TRDMT1: variants seen among roughly 807,000 people sequenced by gnomAD.
The protein encoded by TRDMT1 is tRNA aspartic acid methyltransferase 1.
TRDMT1 carries 49 observed loss-of-function variants against 51.2 expected under a neutral mutation model. That is an observed-to-expected ratio of 0.96 (90% CI 0.76 to 1.21). The LOEUF (loss-of-function observed/expected upper bound fraction) is 1.21. TRDMT1 is among the 50% of genes most tolerant of loss of function. TRDMT1 has a pLI of 0.00. For synonymous variants in TRDMT1, 187 were observed against 164.6 expected (o/e 1.14, Z -1.04); for missense variants, 534 against 462.3 (o/e 1.16, Z -1.42).
Position 17,159,153 on chromosome 10 carries a change from G to C in TRDMT1, c.536C>G (p.Pro179Arg), listed in dbSNP as rs200247836. 3.4e-5 allele frequency: 54 copies of C among 1,587,964 alleles called. No individual in the cohort carries two copies. The African/African-American group carries it at 6.9e-4, about 20-fold the overall frequency. Residue 179 changes from proline (P) to arginine (R), a missense_variant, in exon 7 of 11, where the codon CCT becomes CGT. Pro to Arg is a moderately radical substitution (Grantham distance 103). Coordinates refer to ENST00000377799, the MANE Select transcript of TRDMT1 (RefSeq NM_004412.7). ...AAATTCCAATAATAATACCTGACCA[G>C]GGGCTTGAAAGGGTAATGGCTCTGA... ...LQSEPLPFQA[P>R]GQVLMEFPKI...
rs928881592 is a variant in TRDMT1 at position 17,180,317 on chromosome 10, G to A, written c.65-5657C>T. Among the ~76,000 whole-genome samples, 4 of 152,206 alleles carry A rather than the reference G, an allele frequency of 2.6e-5. No individual in the cohort carries two copies. The South Asian group carries it at 8.3e-4, about 32-fold the overall frequency. ...GCACTTTGGGAGGCTGAGGCGGGTGGATCACCTGAGGTCAGGAGTTTGAGA... is the reference window on the plus strand; with the variant it reads ...GCACTTTGGGAGGCTGAGGCGGGTGAATCACCTGAGGTCAGGAGTTTGAGA... On this transcript the variant is annotated intron_variant, in intron 1 of 10. Transcript: ENST00000377799.
At chr10:17,181,571 C>G (rs755863493) in intron 1 of TRDMT1, among the ~76,000 whole-genome samples, 1 of 152,178 alleles carries the variant, frequency 6.6e-6, no homozygotes, top group Non-Finnish European at 1.5e-5. Context: ...CCTCCTTGTT[C>G]TCCTGTTTCT....
At chr10:17,150,279 TGG>T in intron 10 of TRDMT1, 1 of 549,646 alleles carries the variant, frequency 1.8e-6, no homozygotes, top group Non-Finnish European at 2.3e-6. Context: ...CTATTCCTTT[TGG>T]AGAAATGTTG....
At position 17,143,993 on chromosome 10, in the gene TRDMT1, AC is replaced by A; in HGVS notation, c.*5046del. ...CCCAGCATGAAGATTCTAGAATAGGACTTAGGAAAACAGCAGATTTAGAGTC... is the reference window on the plus strand; with the variant it reads ...CCCAGCATGAAGATTCTAGAATAGGATTAGGAAAACAGCAGATTTAGAGTC... On this transcript the variant is annotated 3_prime_UTR_variant, in exon 11 of 11. Transcript: ENST00000377799. 1.0e-6 allele frequency: 1 copy of A among 985,438 alleles called. No individual in the cohort carries two copies. Among genetic ancestry groups the A allele is most frequent in the South Asian group, 4.7e-5 (1 of 21,282 alleles). The allele number at this position is 985,438 out of a possible 1,614,324, so 61.0% of individuals were successfully genotyped here. A position where few individuals can be genotyped will look rare whatever the true frequency, so the allele number is the denominator to read the frequency against.
rs1278176016 is a variant in TRDMT1 at position 17,139,426 on chromosome 10, A to G, written c.*9614T>C. Among the ~76,000 whole-genome samples, 1 of 152,112 alleles carries G rather than the reference A, an allele frequency of 6.6e-6. No homozygotes were observed. Among genetic ancestry groups the G allele is most frequent in the African/African-American group, 2.4e-5 (1 of 41,408 alleles). ...AAGGGGAAAGTACATCTTTGTGATGATATTTTGTGTTCTATTAGGGGAGGA... is the reference window on the plus strand; with the variant it reads ...AAGGGGAAAGTACATCTTTGTGATGGTATTTTGTGTTCTATTAGGGGAGGA... On this transcript the variant is annotated 3_prime_UTR_variant, in exon 11 of 11. Transcript: ENST00000377799.
Position 17,146,571 on chromosome 10 carries a change from A to G in TRDMT1, c.*2469T>C. The stretch of plus-strand genomic sequence containing the variant: ...CTAAAAATATGAAGCAGGGTAATAA[A>G]TACCTTACAATTATCTGGCAAGCCG... On this transcript the variant is annotated 3_prime_UTR_variant, in exon 11 of 11. Transcript: ENST00000377799. 1.0e-6 allele frequency: 1 copy of G among 985,256 alleles called. No homozygotes were observed. The highest frequency in any genetic ancestry group is 1.2e-6 in the Non-Finnish European group (1 of 829,748). 61.0% of individuals were successfully genotyped at this position (985,256 alleles called of 1,614,324 possible).
At chr10:17,153,104 A>T in intron 10 of TRDMT1, 1 of 254,398 alleles carries the variant, frequency 3.9e-6, no homozygotes, top group Admixed American at 4.9e-5. Context: ...TAATCCCTCA[A>T]CTGCCTTTTA....
chr10:17,170,652 G>C (rs1841838156), intron 2 of TRDMT1, among the ~76,000 whole-genome samples: 1 of 152,142 alleles, frequency 6.6e-6, no homozygotes, highest in African/African-American at 2.4e-5. Context: ...TAGTGAAACA[G>C]AGCCAATATT....
intron 3 of TRDMT1, among the ~76,000 whole-genome samples, chr10:17,164,898 T>C (rs1480730467): frequency 1.3e-5 from 2 of 152,204 alleles, no homozygotes; most frequent in Non-Finnish European, 2.9e-5. Context: ...GAACATTCCA[T>C]GCTCAGGGAT....
At chr10:17,171,296 G>C (rs1339274272) in intron 2 of TRDMT1, among the ~76,000 whole-genome samples, 1 of 152,128 alleles carries the variant, frequency 6.6e-6, no homozygotes, top group Non-Finnish European at 1.5e-5. Flanking sequence ...GGGAAACCCT[G>C]AAGACACTGA....
rs1588667711 is a variant in TRDMT1 at position 17,137,771 on chromosome 10, T to A, written c.*11269A>T. On this transcript the variant is annotated 3_prime_UTR_variant, in exon 11 of 11. Coordinates refer to ENST00000377799, the MANE Select transcript of TRDMT1 (RefSeq NM_004412.7). Reference sequence around the variant, plus strand: ...ATCGCTTGAACCCAGGAGGTGGAGGTTGCAGCAAGCCGAGAGCCACTGCAC... The same window carrying A: ...ATCGCTTGAACCCAGGAGGTGGAGGATGCAGCAAGCCGAGAGCCACTGCAC... Among the ~76,000 whole-genome samples, 2 of 149,920 alleles carry A rather than the reference T, an allele frequency of 1.3e-5. No individual in the cohort carries two copies. The highest frequency in any genetic ancestry group is 4.2e-4 in the South Asian group (2 of 4,736).
Position 17,144,715 on chromosome 10 carries a change from T to G in TRDMT1, c.*4325A>C, listed in dbSNP as rs1437193679. ...ATGGTGATGGAGTTTGGATCTTGAT[T>G]GTGTAAGATTTTGAAGAGCATGAGT... On this transcript the variant is annotated 3_prime_UTR_variant, in exon 11 of 11. Transcript: ENST00000377799. 1 of 985,422 alleles carries G rather than the reference T, an allele frequency of 1.0e-6. No homozygotes were observed. The highest frequency in any genetic ancestry group is 4.7e-5 in the South Asian group (1 of 21,288). The allele number at this position is 985,422 out of a possible 1,614,324, so 61.0% of individuals were successfully genotyped here.
intron 4 of TRDMT1, among the ~76,000 whole-genome samples, chr10:17,161,813 G>A (rs1378591926): frequency 6.6e-6 from 1 of 152,208 alleles, no homozygotes; most frequent in East Asian, 1.9e-4. Context: ...GGTGTCAACT[G>A]AAAGGGCGGC....
chr10:17,194,086 G>A (rs1204816654), intron 1 of TRDMT1, among the ~76,000 whole-genome samples: 2 of 152,198 alleles, frequency 1.3e-5, no homozygotes, highest in African/African-American at 4.8e-5. Flanking sequence ...AACGGTGCTA[G>A]GATAGCTGGC....
At chr10:17,198,790 T>C (rs1845775788) in intron 1 of TRDMT1, among the ~76,000 whole-genome samples, 1 of 152,254 alleles carries the variant, frequency 6.6e-6, no homozygotes, top group Admixed American at 6.5e-5. Context: ...ATAGTTTAAA[T>C]GATACATTTC....
intron 7 of TRDMT1, 137 bp downstream of exon 7, chr10:17,159,009 G>C (rs550485942): frequency 4.3e-6 from 2 of 460,250 alleles, no homozygotes; most frequent in East Asian, 7.3e-5. Flanking sequence ...GATGGACCTA[G>C]GGCATGGTCT....
Position 17,140,530 on chromosome 10 carries a change from G to A in TRDMT1, c.*8510C>T, listed in dbSNP as rs1837587036. Reference sequence around the variant, plus strand: ...AAAGGTACTGAGGATACACAAATGGGCAAGATGTAGCTTCTGCTCTGGAGG... The same window carrying A: ...AAAGGTACTGAGGATACACAAATGGACAAGATGTAGCTTCTGCTCTGGAGG... On this transcript the variant is annotated 3_prime_UTR_variant, in exon 11 of 11. Coordinates refer to ENST00000377799, the MANE Select transcript of TRDMT1 (RefSeq NM_004412.7). Among the ~76,000 whole-genome samples the A allele has an allele frequency of 6.6e-6, 1 of 152,128 alleles. No individual in the cohort carries two copies. The highest frequency in any genetic ancestry group is 2.1e-4 in the South Asian group (1 of 4,834).
rs1838269806 is a variant in TRDMT1, at chr10:17,147,996, T to C, written c.*1044A>G. 1 of 984,794 alleles carries C rather than the reference T, an allele frequency of 1.0e-6. No individual in the cohort carries two copies. Among genetic ancestry groups the C allele is most frequent in the Non-Finnish European group, 1.2e-6 (1 of 829,446 alleles). The allele number at this position is 984,794 out of a possible 1,614,324, so 61.0% of individuals were successfully genotyped here. On this transcript the variant is annotated 3_prime_UTR_variant, in exon 11 of 11. Transcript: ENST00000377799. ...TGATTTTTAAGAAGAAAAATTTGAA[T>C]TAAAATCTTGTAATATGATTTCTGG...
Position 17,157,428 on chromosome 10 carries a change from C to G in TRDMT1, c.887+13G>C. On this transcript the variant is annotated intron_variant, in intron 8 of 10. Transcript: ENST00000377799. ...TATTTTGGATACAGGATCAATAGAT[C>G]TTTAAAACCTACCCTTTGGTAAAGC... 6.3e-7 allele frequency: 1 copy of G among 1,577,872 alleles called. No individual in the cohort carries two copies. Among genetic ancestry groups the G allele is most frequent in the African/African-American group, 1.4e-5 (1 of 73,752 alleles).
Sources: allele counts gnomAD v4.1 joint callset (sites outside exome capture counted in the v4.1 genomes callset), GRCh38; gene constraint gnomAD v4.1.1; transcripts MANE v1.5; gene names NCBI Gene and HGNC (gene_info 2026-07-23, HGNC 2026-07-21).